Variants in DGKG observed in about 807,000 individuals in gnomAD.
The protein encoded by DGKG is diacylglycerol kinase gamma, also known as DAG kinase gamma.
DGKG carries 78 observed loss-of-function variants against 105.3 expected under a neutral mutation model. That is an observed-to-expected ratio of 0.74 (90% CI 0.62 to 0.89). The LOEUF (loss-of-function observed/expected upper bound fraction) is 0.89. DGKG is among the 40% of genes least tolerant of loss of function. The pLI is 0.00. For synonymous variants in DGKG, 346 were observed against 367.1 expected (o/e 0.94, Z 0.66); for missense variants, 958 against 1,020.1 (o/e 0.94, Z 0.83).
At chr3:186,233,859 T>C (rs4686753) in intron 20 of DGKG, among the ~76,000 whole-genome samples, 104,210 of 152,056 alleles carry the variant, frequency 0.69, 38,759 homozygotes, top group East Asian at 0.97. Flanking sequence ...ATATTATACC[T>C]CAGTTTTACA....
intron 22 of DGKG, among the ~76,000 whole-genome samples, chr3:186,181,294 T>C (rs986854191): frequency 6.6e-6 from 1 of 152,230 alleles, no homozygotes; most frequent in Non-Finnish European, 1.5e-5. Flanking sequence ...TTAAATAAAC[T>C]GACAGGAAGC....
intron 23 of DGKG, 104 bp downstream of exon 23, chr3:186,164,794 G>T: frequency 7.5e-7 from 1 of 1,326,720 alleles, no homozygotes. Context: ...CTTTTGTGCT[G>T]CACTCTCCCT....
At chr3:186,278,843 T>A (rs950010229) in intron 9 of DGKG, among the ~76,000 whole-genome samples, 4 of 152,190 alleles carry the variant, frequency 2.6e-5, no homozygotes, top group African/African-American at 4.8e-5. Flanking sequence ...ATCTTTGAGA[T>A]CTGTAATCTC....
At chr3:186,188,555 A>C (rs1321626459) in intron 21 of DGKG, among the ~76,000 whole-genome samples, 176 bp from the exon 22 acceptor site, 1 of 152,110 alleles carries the variant, frequency 6.6e-6, no homozygotes, top group African/African-American at 2.4e-5. Context: ...GCTCAGACTT[A>C]ATGCTTTGAC....
At chr3:186,198,008 T>C (rs1196156541) in intron 21 of DGKG, among the ~76,000 whole-genome samples, 1 of 152,210 alleles carries the variant, frequency 6.6e-6, no homozygotes, top group Non-Finnish European at 1.5e-5. Context: ...CCTAGGAGAC[T>C]TTAAACTCAT....
chr3:186,346,655 G>GCTATACTATACTATACTATA (rs144977237), intron 1 of DGKG, among the ~76,000 whole-genome samples: 7,348 of 151,320 alleles, frequency 0.049, 564 homozygotes, highest in African/African-American at 0.17. Context: ...GAGTAACTAT[G>GCTATACTATACTATACTATA]CTATACTATA....
chr3:186,361,802 C>G lies in DGKG; in HGVS notation c.-249+144G>C, dbSNP rs1727243370. ...CTGCAGGGCTTTGTGGCAGGTGGAA[C>G]TGTCGGGGTGGGCGCCGTGGCTTTG... On this transcript the variant is annotated intron_variant, in intron 1 of 24. Coordinates refer to ENST00000265022, the MANE Select transcript of DGKG (RefSeq NM_001346.3). This position sits in a 1 kb window ranked among gnomAD's most constrained non-coding sequence, Gnocchi z 6.8. 6.6e-6 allele frequency: 1 copy of G among 152,490 alleles called. No individual in the cohort carries two copies. The highest frequency in any genetic ancestry group is 2.4e-5 in the African/African-American group (1 of 41,426). The allele number at this position is 152,490 out of a possible 1,614,324, so 9.4% of individuals were successfully genotyped here. A position where few individuals can be genotyped will look rare whatever the true frequency, so the allele number is the denominator to read the frequency against.
At chr3:186,336,992 T>C (rs895170459) in intron 1 of DGKG, among the ~76,000 whole-genome samples, 17 of 152,142 alleles carry the variant, frequency 1.1e-4, no homozygotes, top group Non-Finnish European at 2.4e-4. Flanking sequence ...TGAACCAATA[T>C]TAAAAGGTCT....
chr3:186,288,873 A>G lies in DGKG; in HGVS notation c.381T>C (p.Asn127=). 3 of 1,568,692 alleles carry G rather than the reference A, an allele frequency of 1.9e-6. No individual in the cohort carries two copies. The South Asian group carries it at 3.6e-5, about 19-fold the overall frequency. The change falls in exon 6 of 25, where the codon AAT becomes AAC. Residue 127 remains asparagine, a synonymous_variant. Transcript: ENST00000265022. ...CAGCTGGTGCTTGCTTCTCAGCCAT[A>G]TTTGATTCTGCGATGAACAAAAGGA... is the stretch of plus-strand genomic sequence containing the variant. ...DEACAPDTES[N]MAEKQAPAED...
chr3:186,202,921 C>G (rs754898544), intron 21 of DGKG, among the ~76,000 whole-genome samples: 2 of 152,136 alleles, frequency 1.3e-5, no homozygotes, highest in South Asian at 2.1e-4. Context: ...TAGATAGAGC[C>G]AGGAGTCTGA....
intron 14 of DGKG, among the ~76,000 whole-genome samples, chr3:186,263,485 T>A (rs987193012): frequency 4.6e-5 from 7 of 152,024 alleles, no homozygotes; most frequent in Non-Finnish European, 1.0e-4. Context: ...GAGAATCGCT[T>A]GAACCCGGGA....
intron 21 of DGKG, among the ~76,000 whole-genome samples, chr3:186,197,876 G>A (rs1465528708): frequency 1.3e-5 from 2 of 152,142 alleles, no homozygotes; most frequent in Non-Finnish European, 2.9e-5. Flanking sequence ...TCTCCTCTAT[G>A]AGGCTTTCCT....
intron 3 of DGKG, among the ~76,000 whole-genome samples, chr3:186,299,817 CTTTCTTTCTTTCTTTCTTTCT>C (rs1322591923): frequency 1.3e-3 from 132 of 100,574 alleles, no homozygotes; most frequent in Non-Finnish European, 2.1e-3. Flanking sequence ...TTCTTTCTTT[CTTTCTTTCTTTCTTTCTTTCT>C]TTTTTTTTTT....
chr3:186,267,852 G>T, intron 12 of DGKG, 75 bp from the exon 13 acceptor site: 2 of 1,405,588 alleles, frequency 1.4e-6, no homozygotes, highest in South Asian at 2.3e-5. Context: ...GAGAGGTTTG[G>T]GGGAGAGGTG....
chr3:186,217,262 G>A (rs1211627664), intron 20 of DGKG, among the ~76,000 whole-genome samples: 3 of 152,086 alleles, frequency 2.0e-5, no homozygotes, highest in African/African-American at 7.2e-5. Context: ...GTAGTCTTTG[G>A]CCCACCATTT....
At chr3:186,155,784 T>C (rs1716005779) in intron 24 of DGKG, among the ~76,000 whole-genome samples, 1 of 152,222 alleles carries the variant, frequency 6.6e-6, no homozygotes, top group African/African-American at 2.4e-5. Flanking sequence ...TGTATGAGTG[T>C]CCTGGTCTCC....
At chr3:186,334,031 C>A (rs1290820943) in intron 1 of DGKG, among the ~76,000 whole-genome samples, 1 of 152,088 alleles carries the variant, frequency 6.6e-6, no homozygotes, top group Non-Finnish European at 1.5e-5. Flanking sequence ...TGTTCTCCCT[C>A]CCCTCTCTCT....
chr3:186,346,640 T>A (rs1726343381), intron 1 of DGKG, among the ~76,000 whole-genome samples: 1 of 134,138 alleles, frequency 7.5e-6, no homozygotes, highest in Non-Finnish European at 1.5e-5. Context: ...GAATAGATTA[T>A]CCTAGAGTAA....
chr3:186,148,547 C>T lies in DGKG; in HGVS notation c.*1543G>A, dbSNP rs1715603944. On this transcript the variant is annotated 3_prime_UTR_variant, in exon 25 of 25. Transcript: ENST00000265022. ...GGCAACCTGGATCCAAGTGGACTCA[C>T]TTTTCAGTGACCAGAAATGACCCTA... 3.0e-6 allele frequency: 3 copies of T among 985,298 alleles called. No homozygotes were observed. The South Asian group carries it at 1.4e-4, about 46-fold the overall frequency. 61.0% of individuals were successfully genotyped at this position (985,298 alleles called of 1,614,324 possible).
Sources: allele counts gnomAD v4.1 joint callset (sites outside exome capture counted in the v4.1 genomes callset), GRCh38; gene constraint gnomAD v4.1.1; non-coding constraint Gnocchi (gnomAD v3.1); transcripts MANE v1.5; gene names NCBI Gene and HGNC (gene_info 2026-07-23, HGNC 2026-07-21).